The following CELF5 variants were observed in gnomAD, a reference collection of about 807,000 sequenced individuals.
CELF5 encodes the protein CUG-BP and ETR-3 like factor 5.
In CELF5, 6 loss-of-function variants were observed where a neutral mutation model predicts 54.9. The observed-to-expected ratio is 0.11, with a 90% CI of 0.06 to 0.22. The LOEUF (loss-of-function observed/expected upper bound fraction) is 0.22. Among genes scored for constraint, CELF5 ranks in the 10% least tolerant of loss-of-function variants. CELF5 has a pLI of 1.00. For missense variants in CELF5, 401 were observed against 678.6 expected (o/e 0.59, Z 4.54); for synonymous variants, 271 against 290.9 (o/e 0.93, Z 0.70).
intron 1 of CELF5, among the ~76,000 whole-genome samples, chr19:3,229,098 G>A (rs909954726): frequency 2.5e-4 from 11 of 43,766 alleles, no homozygotes; most frequent in Non-Finnish European, 4.3e-4. Context: ...CCCTCCCCCC[G>A]CCCCCCGCTT....
Position 3,281,582 on chromosome 19 carries a change from C to T in CELF5, c.750+237C>T, listed in dbSNP as rs1396407055. On this transcript the variant is annotated intron_variant, in intron 6 of 12. Transcript: ENST00000292672. The surrounding 1 kb of genome is among the most constrained non-coding windows in gnomAD (Gnocchi z 6.5). ...GACCGAGCCCCAGAACCTGGCTATG[C>T]TCCACGTCTAAATTAGGCCCAATTC... Among the ~76,000 whole-genome samples the T allele has an allele frequency of 2.6e-5, 4 of 152,170 alleles. No homozygotes were observed. Among genetic ancestry groups the T allele is most frequent in the African/African-American group, 9.7e-5 (4 of 41,436 alleles).
intron 1 of CELF5, among the ~76,000 whole-genome samples, chr19:3,245,988 G>C (rs1170521880): frequency 6.6e-6 from 1 of 152,186 alleles, no homozygotes; most frequent in African/African-American, 2.4e-5. Context: ...TTCAGAAAAC[G>C]ATTTGAAGGA....
chr19:3,232,960 G>A (rs769517158), intron 1 of CELF5, among the ~76,000 whole-genome samples: 1 of 152,016 alleles, frequency 6.6e-6, no homozygotes, highest in Non-Finnish European at 1.5e-5. Flanking sequence ...TGTAATCCCA[G>A]CTACTCGGGA....
rs1165644889 is a variant in CELF5, at chr19:3,224,836, G to C, written c.97G>C (p.Gly33Arg). Residue 33 changes from glycine (G) to arginine (R), a missense_variant, in exon 1 of 13, where the codon GGG becomes CGG. Physicochemically the swap from Gly to Arg is moderately radical, Grantham distance 125. Coordinates refer to ENST00000292672, the MANE Select transcript of CELF5 (RefSeq NM_021938.4). Reference protein sequence around the residue: ...PVGSSGPEPPGGQPDGMKDLD... With the variant: ...PVGSSGPEPPRGQPDGMKDLD... ...GGGCAGCAGCGGGCCCGAGCCCCCCGGGGGGCAGCCCGACGGCATGAAGGA... is the reference window on the plus strand; with the variant it reads ...GGGCAGCAGCGGGCCCGAGCCCCCCCGGGGGCAGCCCGACGGCATGAAGGA... 1 of 1,587,738 alleles carries C rather than the reference G, an allele frequency of 6.3e-7. No homozygotes were observed. The highest frequency in any genetic ancestry group is 8.6e-7 in the Non-Finnish European group (1 of 1,168,538).
intron 1 of CELF5, among the ~76,000 whole-genome samples, chr19:3,231,659 G>T (rs1243205740): frequency 1.3e-5 from 2 of 149,098 alleles, no homozygotes; most frequent in Non-Finnish European, 3.0e-5. Flanking sequence ...TGGATGGATT[G>T]GTGGGTGAAT....
At chr19:3,235,601 AATGG>A (rs1917526975) in intron 1 of CELF5, among the ~76,000 whole-genome samples, 2 of 47,960 alleles carry the variant, frequency 4.2e-5, no homozygotes, top group African/African-American at 8.1e-5. Context: ...TGGATGAATG[AATGG>A]ATGGGTGGAT....
chr19:3,272,590 G>T (rs1441109199), intron 2 of CELF5, among the ~76,000 whole-genome samples: 1 of 152,124 alleles, frequency 6.6e-6, no homozygotes, highest in Admixed American at 6.6e-5. Flanking sequence ...GTGGAAGTTG[G>T]CCACTTCCTT....
chr19:3,273,585 C>T (rs576523636), intron 2 of CELF5, among the ~76,000 whole-genome samples: 23 of 152,268 alleles, frequency 1.5e-4, no homozygotes, highest in African/African-American at 4.6e-4. Context: ...AAAGTCACAT[C>T]GCATAAAGGG....
At chr19:3,296,352 A>C (rs1269673631) in intron 12 of CELF5, 6 of 149,074 alleles carry the variant, frequency 4.0e-5, no homozygotes, top group Non-Finnish European at 7.4e-5. Flanking sequence ...AAAAAAAAAA[A>C]AAACCAAGCA....
At chr19:3,261,689 C>T (rs2079808589) in intron 2 of CELF5, among the ~76,000 whole-genome samples, 1 of 151,906 alleles carries the variant, frequency 6.6e-6, no homozygotes, top group Non-Finnish European at 1.5e-5. Context: ...GGCATGGTGG[C>T]ATGTACCTGT....
chr19:3,247,246 C>T (rs2145046170), intron 1 of CELF5, among the ~76,000 whole-genome samples: 1 of 152,230 alleles, frequency 6.6e-6, no homozygotes, highest in South Asian at 2.1e-4. Flanking sequence ...CCTGCCTTGG[C>T]CTCCCGAGTA....
intron 1 of CELF5, among the ~76,000 whole-genome samples, chr19:3,226,040 G>A (rs1041416806): frequency 2.0e-5 from 3 of 152,032 alleles, no homozygotes; most frequent in African/African-American, 2.4e-5. Flanking sequence ...TGGGCCCAGC[G>A]TCTGAATTGG....
At chr19:3,258,826 G>T (rs1206996907) in intron 2 of CELF5, among the ~76,000 whole-genome samples, 5 of 151,798 alleles carry the variant, frequency 3.3e-5, no homozygotes, top group African/African-American at 1.2e-4. Context: ...GCCCAGACTG[G>T]TCTTGAACTC....
At position 3,287,491 on chromosome 19, in the gene CELF5, G is replaced by A. The variant is rs1163053125; in HGVS notation, c.1186+1466G>A. 3.3e-5 allele frequency among the ~76,000 whole-genome samples: 5 copies of A among 149,852 alleles called. No individual in the cohort carries two copies. The East Asian group carries it at 5.8e-4, about 17-fold the overall frequency. ...AGAAGAATCTCTTGAACCAGGAGGC[G>A]GAGGTTGCAGTGAGCCAAGATTGCG... On this transcript the variant is annotated intron_variant, in intron 10 of 12. Transcript: ENST00000292672.
chr19:3,235,319 T>C (rs1209495905), intron 1 of CELF5, among the ~76,000 whole-genome samples: 1 of 152,040 alleles, frequency 6.6e-6, no homozygotes, highest in Admixed American at 6.6e-5. Flanking sequence ...TTTCCTTTTT[T>C]TTTTCCTGTG....
chr19:3,233,673 G>A (rs1407525845), intron 1 of CELF5, among the ~76,000 whole-genome samples: 2 of 152,218 alleles, frequency 1.3e-5, no homozygotes, highest in African/African-American at 4.8e-5. Flanking sequence ...GCAGAGTGAG[G>A]AGGGGGAGAG....
intron 2 of CELF5, among the ~76,000 whole-genome samples, chr19:3,264,053 C>CTTTTCTTTTCTTT (rs2079846121): frequency 6.6e-6 from 1 of 152,180 alleles, no homozygotes; most frequent in African/African-American, 2.4e-5. Context: ...ATTACTAAGC[C>CTTTTCTTTTCTTT]CAACTCTTTT....
intron 1 of CELF5, among the ~76,000 whole-genome samples, chr19:3,233,931 C>A (rs1917395392): frequency 6.6e-6 from 1 of 152,216 alleles, no homozygotes; most frequent in South Asian, 2.1e-4. Flanking sequence ...TTATGCCTGG[C>A]TCTTCTGAGG....
chr19:3,286,033 G>T lies in CELF5; in HGVS notation c.1186+8G>T. The T allele has an allele frequency of 6.4e-7, 1 of 1,563,404 alleles. No individual in the cohort carries two copies. Among genetic ancestry groups the T allele is most frequent in the Non-Finnish European group, 8.6e-7 (1 of 1,164,624 alleles). ...AGCAGCAGCAGCGAGAAGGTGAGGC[G>T]GCCGCAACCTCCCCTGGGCGCCAGC... On this transcript the variant is annotated splice_region_variant and intron_variant, in intron 10 of 12. Transcript: ENST00000292672.
Sources: allele counts gnomAD v4.1 joint callset (sites outside exome capture counted in the v4.1 genomes callset), GRCh38; gene constraint gnomAD v4.1.1; non-coding constraint Gnocchi (gnomAD v3.1); transcripts MANE v1.5; gene names NCBI Gene and HGNC (gene_info 2026-07-23, HGNC 2026-07-21).